Variants in TRIM46 observed in about 807,000 individuals in gnomAD.
TRIM46 encodes the protein tripartite motif containing 46.
Under a neutral mutation model 69.7 loss-of-function variants are expected in TRIM46, and 17 were observed. The observed-to-expected ratio is 0.24, with a 90% confidence interval of 0.17 to 0.37. TRIM46 has a LOEUF of 0.37. Among genes scored for constraint, TRIM46 ranks in the 10% least tolerant of loss-of-function variants. The probability of loss-of-function intolerance (pLI) is 1.00; values close to 1 mark genes in which losing one functional copy is unlikely to be tolerated. For synonymous variants in TRIM46, 391 were observed against 429.0 expected, an observed-to-expected ratio of 0.91 and a Z score of 1.09; for missense variants, 675 against 1,025.1, an observed-to-expected ratio of 0.66 and a Z score of 4.66.
At chr1:155,174,876 C>T (rs748904209) in intron 1 of TRIM46, 1 of 1,411,382 alleles carries the variant, frequency 7.1e-7, no homozygotes, top group Non-Finnish European at 9.2e-7. Context: ...GGAATGGAGG[C>T]TGGAGTGGCC....
At chr1:155,177,934 A>G in intron 5 of TRIM46, 68 bp from the exon 6 acceptor site, 2 of 1,569,418 alleles carry the variant, frequency 1.3e-6, no homozygotes, top group South Asian at 1.2e-5. Flanking sequence ...CAAGGAGGCC[A>G]GCACAAGTGC....
rs142048869 is a variant in TRIM46, at chr1:155,181,314, G to T, written c.1589-538G>T. ...TGCAAGAATTCAACTGGTTTGAGAC[G>T]ATCAATGGGAGTCTGAGTACAGTGT... On this transcript the variant is annotated intron_variant, in intron 8 of 9. Transcript: ENST00000334634. The surrounding 1 kb of genome is among the most constrained non-coding windows in gnomAD (Gnocchi z 4.3). Among the ~76,000 whole-genome samples, 1 of 152,216 alleles carries T rather than the reference G, an allele frequency of 6.6e-6. No homozygotes were observed. Among genetic ancestry groups the T allele is most frequent in the Non-Finnish European group, 1.5e-5 (1 of 68,050 alleles).
In TRIM46 at chr1:155,181,258, T is replaced by G. The variant is rs1191817955; in HGVS notation, c.1589-594T>G. 2.0e-5 allele frequency among the ~76,000 whole-genome samples: 3 copies of G among 152,160 alleles called. No individual in the cohort carries two copies. Among genetic ancestry groups the G allele is most frequent in the Non-Finnish European group, 4.4e-5 (3 of 68,030 alleles). ...CCGTCTCAAAAACATATATATATTT[T>G]TAAAAAATGATAATGCTTACCTCAT... is the stretch of plus-strand genomic sequence containing the variant. On this transcript the variant is annotated intron_variant, in intron 8 of 9. Transcript: ENST00000334634. The surrounding 1 kb of genome is among the most constrained non-coding windows in gnomAD (Gnocchi z 4.3).
chr1:155,180,932 C>G (rs1455705286), intron 8 of TRIM46, among the ~76,000 whole-genome samples: 1 of 150,028 alleles, frequency 6.7e-6, no homozygotes, highest in African/African-American at 2.5e-5. Flanking sequence ...AAATAAAATA[C>G]GTAAAAAATA....
At position 155,175,897 on chromosome 1, in the gene TRIM46, C is replaced by T. The variant is rs1370435025; in HGVS notation, c.335C>T (p.Thr112Ile). Residue 112 changes from threonine to isoleucine, a missense_variant, in exon 3 of 10, where the codon ACA becomes ATA. Thr to Ile is a moderately conservative substitution (Grantham distance 89). This residue lies in a region of TRIM46 where 170 missense variants were observed against 255.6 expected (regional missense o/e 0.67). Coordinates refer to ENST00000334634, the MANE Select transcript of TRIM46 (RefSeq NM_025058.5). This position sits in a 1 kb window ranked among gnomAD's most constrained non-coding sequence, Gnocchi z 4.2. Reference sequence around the variant, plus strand: ...CCTGGTTCACCCACAGGCTTTGGGACATACCCTGGGAGGAAGCGAGGTGCT... The same window carrying T: ...CCTGGTTCACCCACAGGCTTTGGGATATACCCTGGGAGGAAGCGAGGTGCT... ...LDRLLKSGFG[T>I]YPGRKRGALH... The T allele has an allele frequency of 8.2e-6, 13 of 1,588,068 alleles. No homozygotes were observed. In the Admixed American group the frequency reaches 2.1e-4, roughly 25 times the overall value.
intron 9 of TRIM46, chr1:155,182,373 GGGAA>G: frequency 1.7e-6 from 1 of 595,096 alleles, no homozygotes; most frequent in Non-Finnish European, 3.0e-6. Context: ...CGTGTGGTCA[GGGAA>G]AGGGATGATA....
At chr1:155,182,405 T>A in intron 9 of TRIM46, 1 of 578,102 alleles carries the variant, frequency 1.7e-6, no homozygotes, top group Non-Finnish European at 3.1e-6. Context: ...GAGCCATCTC[T>A]GCTTCCTTCC....
In TRIM46 at chr1:155,181,828, T is replaced by A. The variant is rs763324162; in HGVS notation, c.1589-24T>A. The A allele has an allele frequency of 1.3e-6, 2 of 1,595,240 alleles. No homozygotes were observed. The highest frequency in any genetic ancestry group is 2.2e-5 in the South Asian group (2 of 89,094). On this transcript the variant is annotated intron_variant, in intron 8 of 9. Transcript: ENST00000334634. The surrounding 1 kb of genome is among the most constrained non-coding windows in gnomAD (Gnocchi z 4.3). ...GTTTGTCCCTGAAGTTCTTGCTCCA[T>A]CTCAACCCTCTCCCTCCTTCCAGTC...
intron 7 of TRIM46, 39 bp from the exon 8 acceptor site, chr1:155,179,580 ATGCCAGGCCAGTG>A: frequency 1.7e-5 from 26 of 1,515,708 alleles, no homozygotes; most frequent in Non-Finnish European, 2.3e-5. Context: ...CCTGCCCTCC[ATGCCAGGCCAGTG>A]GCCAGGCCCT....
chr1:155,179,706 C>T lies in TRIM46; in HGVS notation c.1360C>T (p.Pro454Ser), dbSNP rs979589309. 4.3e-6 allele frequency: 7 copies of T among 1,613,572 alleles called. No homozygotes were observed. Among genetic ancestry groups the T allele is most frequent in the Non-Finnish European group, 5.9e-6 (7 of 1,180,000 alleles). The stretch of plus-strand genomic sequence containing the variant: ...GATCTTCCTGTGCTGGCGGCTGCCC[C>T]CCCATTCACCACCTGCCTGGCACTA... The part of the protein sequence containing the change: ...DQIFLCWRLP[P>S]HSPPAWHYTV... The change falls in exon 8 of 10, where the codon CCC becomes TCC. Residue 454 changes from proline (P) to serine (S), a missense_variant. Pro to Ser is a moderately conservative substitution (Grantham distance 74, BLOSUM62 -1). Transcript: ENST00000334634.
At chr1:155,174,721 G>T (rs1322043744) in intron 1 of TRIM46, 1 of 1,450,888 alleles carries the variant, frequency 6.9e-7, no homozygotes, top group African/African-American at 1.4e-5. Context: ...GGTGGGGAGG[G>T]GGCGAGTAGG....
intron 5 of TRIM46, among the ~76,000 whole-genome samples, chr1:155,177,515 A>T (rs1665767566): frequency 6.6e-6 from 1 of 151,226 alleles, no homozygotes; most frequent in Non-Finnish European, 1.5e-5. Flanking sequence ...GTGCTCGAAA[A>T]ACCCCATGCA....
rs200101692 is a variant in TRIM46 at position 155,178,033 on chromosome 1, C to T, written c.941C>T (p.Ser314Leu). Residue 314 changes from serine to leucine, a missense_variant, in exon 6 of 10, where the codon TCG (serine) becomes TTG (leucine). Around this residue, in one of 5 missense-constraint regions of TRIM46, gnomAD observed 361 missense variants for 498.3 expected, o/e 0.72. Coordinates refer to ENST00000334634, the MANE Select transcript of TRIM46 (RefSeq NM_025058.5). ...VSGQQAKEEV[S>L]QLVRGLGAVL... is the part of the protein sequence containing the mutation. ...GGTCAGCAGGCCAAGGAGGAGGTGT[C>T]GCAGCTGGTGCGGGGGCTGGGGGCT... The T allele has an allele frequency of 1.6e-5, 26 of 1,613,472 alleles. No homozygotes were observed. The East Asian group carries it at 2.5e-4, about 15-fold the overall frequency.
intron 1 of TRIM46, chr1:155,174,600 G>A: frequency 2.0e-6 from 3 of 1,528,510 alleles, no homozygotes; most frequent in Non-Finnish European, 2.6e-6. Context: ...CTTTGTGTCA[G>A]CTGCGCCCCT....
At position 155,178,086 on chromosome 1, in the gene TRIM46, C is replaced by T; in HGVS notation, c.994C>T (p.Leu332Phe). 1 of 1,614,130 alleles carries T rather than the reference C, an allele frequency of 6.2e-7. No homozygotes were observed. The highest frequency in any genetic ancestry group is 8.5e-7 in the Non-Finnish European group (1 of 1,180,018). ...GCTGGAGGAGAAGCGGGCATCACTG[C>T]TTCAGGCCATTGAAGAATGCCAGCA... ...AVLEEKRASL[L>F]QAIEECQQER... Residue 332 changes from leucine (L) to phenylalanine (F), a missense_variant, in exon 6 of 10, where the codon CTT becomes TTT. This residue lies in a region of TRIM46 where 361 missense variants were observed against 498.3 expected (regional missense o/e 0.72). Coordinates refer to ENST00000334634, the MANE Select transcript of TRIM46 (RefSeq NM_025058.5).
rs1301106915 is a variant in TRIM46 at position 155,181,245 on chromosome 1, CAT to C, written c.1589-598_1589-597del. On this transcript the variant is annotated intron_variant, in intron 8 of 9. Coordinates refer to ENST00000334634, the MANE Select transcript of TRIM46 (RefSeq NM_025058.5). This position sits in a 1 kb window ranked among gnomAD's most constrained non-coding sequence, Gnocchi z 4.3. ...ACAGTGTGAGACTCCGTCTCAAAAACATATATATATTTTTAAAAAATGATAAT... is the reference window on the plus strand; with the variant it reads ...ACAGTGTGAGACTCCGTCTCAAAAACATATATATTTTTAAAAAATGATAAT... 3.3e-5 allele frequency among the ~76,000 whole-genome samples: 5 copies of C among 152,284 alleles called. No homozygotes were observed. The highest frequency in any genetic ancestry group is 5.9e-5 in the Non-Finnish European group (4 of 68,020).
rs1169749059 is a variant in TRIM46, at chr1:155,178,192, A to T, written c.1100A>T (p.Gln367Leu). ...LDGSGLVGYA[Q>L]EVLKETDQPC... is the part of the protein sequence containing the mutation. ...GGCTCAGGTCTGGTGGGCTATGCCC[A>T]GGAAGTACTTAAGGAAACAGACCAG... Residue 367 changes from glutamine to leucine, a missense_variant, in exon 6 of 10, where the codon CAG becomes CTG. Around this residue, in one of 5 missense-constraint regions of TRIM46, gnomAD observed 361 missense variants for 498.3 expected, o/e 0.72. Transcript: ENST00000334634. 1 of 1,613,510 alleles carries T rather than the reference A, an allele frequency of 6.2e-7. No homozygotes were observed. The highest frequency in any genetic ancestry group is 2.2e-5 in the East Asian group (1 of 44,874).
Position 155,184,314 on chromosome 1 carries a change from C to A in TRIM46, c.*124C>A, listed in dbSNP as rs1206397431. ...ACTCTCCTACCATGTGGCCCTGCTC[C>A]TTCTCCCGTGTCTGTCTTCCCACAG... On this transcript the variant is annotated 3_prime_UTR_variant, in exon 10 of 10. Transcript: ENST00000334634. This position sits in a 1 kb window ranked among gnomAD's most constrained non-coding sequence, Gnocchi z 5.6. 9.4e-7 allele frequency: 1 copy of A among 1,064,744 alleles called. No homozygotes were observed. Among genetic ancestry groups the A allele is most frequent in the Non-Finnish European group, 1.3e-6 (1 of 761,434 alleles). The allele number at this position is 1,064,744 out of a possible 1,614,324, so 66.0% of individuals were successfully genotyped here.
At chr1:155,174,732 C>A in intron 1 of TRIM46, 2 of 1,443,770 alleles carry the variant, frequency 1.4e-6, no homozygotes, top group Admixed American at 2.6e-5. Flanking sequence ...GGCGAGTAGG[C>A]GGGGCTCTTG....
Sources: allele counts gnomAD v4.1 joint callset (sites outside exome capture counted in the v4.1 genomes callset), GRCh38; gene constraint gnomAD v4.1.1; regional missense constraint gnomAD v4.1.1; non-coding constraint Gnocchi (gnomAD v3.1); transcripts MANE v1.5; gene names NCBI Gene and HGNC (gene_info 2026-07-23, HGNC 2026-07-21).